Variants in UNC93B1 observed in about 807,000 individuals in gnomAD.
UNC93B1 encodes the protein protein unc-93 homolog B1.
In UNC93B1, 33 loss-of-function variants were observed where a neutral mutation model predicts 56.8. The ratio of observed to expected loss-of-function variants is 0.58; its 90% CI spans 0.44 to 0.78. The LOEUF (loss-of-function observed/expected upper bound fraction) is 0.78, where lower values mean the gene tolerates loss of function less well. UNC93B1 is among the 30% of genes least tolerant of loss of function. UNC93B1 has a pLI of 0.00. For synonymous variants in UNC93B1, 334 were observed against 358.6 expected (o/e 0.93, Z 0.77); for missense variants, 673 against 819.5 (o/e 0.82, Z 2.18).
At position 68,003,887 on chromosome 11, in the gene UNC93B1, C is replaced by T. The variant is rs574169390; in HGVS notation, c.96+61G>A. On this transcript the variant is annotated intron_variant, in intron 1 of 10. Transcript: ENST00000227471. This position sits in a 1 kb window ranked among gnomAD's most constrained non-coding sequence, Gnocchi z 4.4. ...GCCGCCCCCCGGCCCGCCCCGCCCCCGCCGGGGGGACCCTGGCCCACAGGG... is the reference window on the plus strand; with the variant it reads ...GCCGCCCCCCGGCCCGCCCCGCCCCTGCCGGGGGGACCCTGGCCCACAGGG... The T allele has an allele frequency of 7.4e-5, 95 of 1,287,660 alleles. 2 individuals are homozygous for T. In the East Asian group the frequency reaches 1.1e-3, roughly 15 times the overall value. The allele number at this position is 1,287,660 out of a possible 1,614,324, so 79.8% of individuals were successfully genotyped here.
intron 7 of UNC93B1, 193 bp downstream of exon 7, chr11:67,997,482 C>T: frequency 1.0e-6 from 1 of 982,534 alleles, no homozygotes; most frequent in Non-Finnish European, 1.5e-6. Flanking sequence ...AGCCCCGCCT[C>T]CGAGCCTCAT....
At chr11:67,999,363 C>T (rs1260666332) in intron 4 of UNC93B1, 58 bp from the exon 5 acceptor site, 16 of 1,568,832 alleles carry the variant, frequency 1.0e-5, no homozygotes, top group Non-Finnish European at 1.4e-5. Flanking sequence ...TCCTGTGTGT[C>T]CTGCACCCAG....
chr11:68,001,348 TC>T (rs1857042517), intron 3 of UNC93B1, among the ~76,000 whole-genome samples: 1 of 152,114 alleles, frequency 6.6e-6, no homozygotes, highest in Non-Finnish European at 1.5e-5. Context: ...TGAAAATGTA[TC>T]CTAGGAAAAA....
rs1353294163 is a variant in UNC93B1, at chr11:67,996,719, C to G, written c.972G>C (p.Trp324Cys). 1.3e-6 allele frequency: 2 copies of G among 1,553,780 alleles called. No homozygotes were observed. Among genetic ancestry groups the G allele is most frequent in the East Asian group, 2.4e-5 (1 of 41,066 alleles). The change falls in exon 8 of 11, where the codon TGG becomes TGC. Residue 324 changes from tryptophan to cysteine, a missense_variant. Physicochemically the swap from Trp to Cys is radical, Grantham distance 215 (BLOSUM62 -2). Around this residue, in one of 3 missense-constraint regions of UNC93B1, gnomAD observed 438 missense variants for 465.9 expected, o/e 0.94. Coordinates refer to ENST00000227471, the MANE Select transcript of UNC93B1 (RefSeq NM_030930.4). ...TGAAGGGCAGCTGGAAGATGTTGCCCCAGCCCACGCTGCGCAGATCGATCT... is the reference window on the plus strand; with the variant it reads ...TGAAGGGCAGCTGGAAGATGTTGCCGCAGCCCACGCTGCGCAGATCGATCT... Reference protein sequence around the residue: ...TEEIDLRSVGWGNIFQLPFKH... With the variant: ...TEEIDLRSVGCGNIFQLPFKH...
intron 10 of UNC93B1, among the ~76,000 whole-genome samples, chr11:67,992,211 G>A (rs528914787): frequency 2.8e-4 from 43 of 152,404 alleles, no homozygotes; most frequent in Admixed American, 2.5e-3. Flanking sequence ...TGACACACCC[G>A]TGGGCTGTAG....
Position 67,999,823 on chromosome 11 carries a change from A to T in UNC93B1, c.393-143T>A, listed in dbSNP as rs1565126334. 6 of 1,192,110 alleles carry T rather than the reference A, an allele frequency of 5.0e-6. 1 individual carries two copies. The allele number at this position is 1,192,110 out of a possible 1,614,324, so 73.8% of individuals were successfully genotyped here. ...CGAGGGCACTGAGATGGAATATCAG[A>T]TACACAGACTTGCTGAGTGGCCTCA... is the stretch of plus-strand genomic sequence containing the variant. On this transcript the variant is annotated intron_variant, in intron 3 of 10. Coordinates refer to ENST00000227471, the MANE Select transcript of UNC93B1 (RefSeq NM_030930.4).
rs3953720 is a variant in UNC93B1, at chr11:67,991,822, C to T, written c.1518G>A (p.Ala506=). Residue 506 remains alanine, a synonymous_variant, in exon 11 of 11, where the codon GCG becomes GCA. Transcript: ENST00000227471. The part of the protein sequence containing the change: ...KLAVLLVTLV[A]AAVSYLRMEQ... ...CCATCCGCAGGTAGGAGACCGCGGC[C>T]GCCACCAGCGTCACCAGCAGCACCG... 77 of 1,565,014 alleles carry T rather than the reference C, an allele frequency of 4.9e-5. No homozygotes were observed. Among genetic ancestry groups the T allele is most frequent in the Admixed American group, 1.8e-4 (10 of 55,764 alleles).
chr11:67,995,748 G>A lies in UNC93B1; in HGVS notation c.1226C>T (p.Ala409Val). 1.3e-6 allele frequency: 2 copies of A among 1,548,506 alleles called. No homozygotes were observed. The highest frequency in any genetic ancestry group is 1.7e-6 in the Non-Finnish European group (2 of 1,146,918). ...GAAGGTGAGCAGCAGGTGCACCCCT[G>A]CTCCGGCCACCAGGGGCACCGGGCG... ...LPRPVPLVAG[A>V]GVHLLLTFIL... Residue 409 changes from alanine to valine, a missense_variant, in exon 9 of 11, where the codon GCA becomes GTA. By Grantham distance (64) the Ala-to-Val change is moderately conservative (BLOSUM62 0). This residue lies in a region of UNC93B1 where 155 missense variants were observed against 268.3 expected (regional missense o/e 0.58). Coordinates refer to ENST00000227471, the MANE Select transcript of UNC93B1 (RefSeq NM_030930.4).
chr11:68,000,105 A>T (rs1857022092), intron 3 of UNC93B1, among the ~76,000 whole-genome samples: 3 of 152,230 alleles, frequency 2.0e-5, no homozygotes, highest in Admixed American at 2.0e-4. Context: ...GCAGAGCCAG[A>T]GTCCCGGCAC....
intron 3 of UNC93B1, 61 bp downstream of exon 3, chr11:68,002,961 G>A: frequency 3.3e-6 from 5 of 1,517,918 alleles, no homozygotes; most frequent in Non-Finnish European, 3.5e-6. Flanking sequence ...CTGGCCCGCC[G>A]GCCTCTGTAC....
At chr11:67,992,812 G>A (rs1856869171) in intron 10 of UNC93B1, among the ~76,000 whole-genome samples, 2 of 151,384 alleles carry the variant, frequency 1.3e-5, no homozygotes, top group African/African-American at 2.4e-5. Context: ...TCACAGGGAC[G>A]TGCCACCATG....
At position 68,003,927 on chromosome 11, in the gene UNC93B1, G is replaced by A; in HGVS notation, c.96+21C>T. On this transcript the variant is annotated intron_variant, in intron 1 of 10. Coordinates refer to ENST00000227471, the MANE Select transcript of UNC93B1 (RefSeq NM_030930.4). This position sits in a 1 kb window ranked among gnomAD's most constrained non-coding sequence, Gnocchi z 4.4. Reference sequence around the variant, plus strand: ...GGCCCACAGGGGACGCCCGCGCCTCGCACTCCGGGTCCCCGCTCACCGGGG... The same window carrying A: ...GGCCCACAGGGGACGCCCGCGCCTCACACTCCGGGTCCCCGCTCACCGGGG... 1.5e-6 allele frequency: 2 copies of A among 1,364,796 alleles called. No individual in the cohort carries two copies. Among genetic ancestry groups the A allele is most frequent in the African/African-American group, 1.5e-5 (1 of 66,224 alleles). The allele number at this position is 1,364,796 out of a possible 1,614,324, so 84.5% of individuals were successfully genotyped here.
In UNC93B1 at chr11:68,003,738, A is replaced by G. The variant is rs1484774724; in HGVS notation, c.157T>C (p.Tyr53His). ...AGCACGCCCAGGCGCTTGCGGCGGT[A>G]GTAGCGGCGCTCCTCCTCCTCCTCG... ...YNEEEEERRY[Y>H]RRKRLGVLKN... The change falls in exon 2 of 11, where the codon TAC (tyrosine) becomes CAC (histidine). Residue 53 changes from tyrosine to histidine, a missense_variant. Tyr to His is a moderately conservative substitution (Grantham distance 83, BLOSUM62 2). Coordinates refer to ENST00000227471, the MANE Select transcript of UNC93B1 (RefSeq NM_030930.4). The surrounding 1 kb of genome is among the most constrained non-coding windows in gnomAD (Gnocchi z 4.4). The G allele has an allele frequency of 2.0e-6, 3 of 1,525,864 alleles. No individual in the cohort carries two copies. The African/African-American group carries it at 4.2e-5, about 22-fold the overall frequency. 94.5% of individuals were successfully genotyped at this position (1,525,864 alleles called of 1,614,324 possible).
chr11:67,991,710 C>T lies in UNC93B1; in HGVS notation c.1630G>A (p.Glu544Lys). 2 of 1,535,690 alleles carry T rather than the reference C, an allele frequency of 1.3e-6. No individual in the cohort carries two copies. The highest frequency in any genetic ancestry group is 1.7e-6 in the Non-Finnish European group (2 of 1,147,738). Residue 544 changes from glutamate to lysine, a missense_variant, in exon 11 of 11, where the codon GAG becomes AAG. Around this residue, in one of 3 missense-constraint regions of UNC93B1, gnomAD observed 80 missense variants for 85.3 expected, o/e 0.94. Coordinates refer to ENST00000227471, the MANE Select transcript of UNC93B1 (RefSeq NM_030930.4). ...HKVRGYRYLE[E>K]DNSDESDAEG... ...GCGTCGCTCTCGTCCGAGTTGTCCT[C>T]CTCCAAGTAGCGGTAACCGCGCACC...
In UNC93B1 at chr11:67,991,974, G is replaced by A. The variant is rs1439149350; in HGVS notation, c.1483-117C>T. ...CCTCCGGGAGCCTCCCGGGCCACGC[G>A]GCCCTCAACTTCTCCAGCCCCTCCA... is the stretch of plus-strand genomic sequence containing the variant. On this transcript the variant is annotated intron_variant, in intron 10 of 10. Transcript: ENST00000227471. 11 of 1,121,678 alleles carry A rather than the reference G, an allele frequency of 9.8e-6. No individual in the cohort carries two copies. In the African/African-American group the frequency reaches 1.5e-4, roughly 15 times the overall value. The allele number at this position is 1,121,678 out of a possible 1,614,324, so 69.5% of individuals were successfully genotyped here.
chr11:67,993,500 G>C (rs11602727), intron 10 of UNC93B1, among the ~76,000 whole-genome samples, 176 bp downstream of exon 10: 22,731 of 152,254 alleles, frequency 0.15, 1,797 homozygotes, highest in East Asian at 0.17. Flanking sequence ...ACTGGCTGGA[G>C]GTGGGCCAGT....
intron 5 of UNC93B1, 53 bp from the exon 6 acceptor site, chr11:67,998,505 G>C (rs369543173): frequency 3.2e-6 from 5 of 1,581,264 alleles, no homozygotes; most frequent in Non-Finnish European, 1.7e-6. Context: ...CCAGGCAAGG[G>C]ACACAGGCAT....
intron 3 of UNC93B1, among the ~76,000 whole-genome samples, chr11:68,000,208 T>C (rs1857023892): frequency 6.6e-6 from 1 of 152,306 alleles, no homozygotes; most frequent in South Asian, 2.1e-4. Context: ...ACAGTGACAA[T>C]AGAAGGGGCT....
rs1857079005 is a variant in UNC93B1 at position 68,003,414 on chromosome 11, T to C, written c.239-239A>G. On this transcript the variant is annotated intron_variant, in intron 2 of 10. Transcript: ENST00000227471. The surrounding 1 kb of genome is among the most constrained non-coding windows in gnomAD (Gnocchi z 4.4). ...CTCCGCCGGCCTCCAATTCTGACGG[T>C]GGCAGGTCTGTCCGGGAGCCCGGAC... is the stretch of plus-strand genomic sequence containing the variant. 1.2e-6 allele frequency: 1 copy of C among 804,226 alleles called. No homozygotes were observed. The allele number at this position is 804,226 out of a possible 1,614,324, so 49.8% of individuals were successfully genotyped here.
Sources: gnomAD v4.1 joint callset for allele counts (sites outside exome capture counted in the v4.1 genomes callset) on GRCh38, gnomAD v4.1.1 for gene constraint, gnomAD v4.1.1 regional missense constraint, Gnocchi (gnomAD v3.1) non-coding constraint, MANE v1.5 for transcripts, NCBI Gene and HGNC (gene_info 2026-07-23, HGNC 2026-07-21) for gene names.